SORCS1: variants seen among roughly 807,000 people sequenced by gnomAD.
The protein encoded by SORCS1 is VPS10 domain-containing receptor SorCS1.
A neutral mutation model predicts 146.1 loss-of-function variants in SORCS1; 60 were observed. That is an observed-to-expected ratio of 0.41 (90% CI 0.33 to 0.51). The LOEUF (loss-of-function observed/expected upper bound fraction) is 0.51, where lower values mean the gene tolerates loss of function less well. Ranked by LOEUF, SORCS1 falls within the 20% of genes least tolerant of loss-of-function variation. SORCS1 has a pLI of 0.21. For missense variants in SORCS1, 1,352 were observed against 1,487.6 expected (o/e 0.91, Z 1.50); for synonymous variants, 637 against 584.0 (o/e 1.09, Z -1.31).
chr10:106,820,282 G>C (rs1024579004), intron 3 of SORCS1, among the ~76,000 whole-genome samples: 1 of 152,154 alleles, frequency 6.6e-6, no homozygotes, highest in African/African-American at 2.4e-5. Context: ...CCATACAGCA[G>C]GCCTTTTCAC....
Position 106,607,243 on chromosome 10 carries a change from T to C in SORCS1, c.3088A>G (p.Thr1030Ala). ...GGTAGGACAAAGAGTTCAGCAGTGG[T>C]GGGTAAGCCAGGGAGCACCGCCACC... ...ILVAVLPGLP[T>A]TAELFVLPYQ... Residue 1030 changes from threonine (T) to alanine (A), a missense_variant, in exon 23 of 26, where the codon ACC (threonine) becomes GCC (alanine). Physicochemically the swap from Thr to Ala is moderately conservative, Grantham distance 58. Around this residue, in one of 3 missense-constraint regions of SORCS1, gnomAD observed 214 missense variants for 204.8 expected, o/e 1.05. Transcript: ENST00000263054. The C allele has an allele frequency of 6.2e-7, 1 of 1,614,090 alleles. No individual in the cohort carries two copies. Among genetic ancestry groups the C allele is most frequent in the South Asian group, 1.1e-5 (1 of 91,076 alleles).
intron 2 of SORCS1, among the ~76,000 whole-genome samples, chr10:106,944,669 A>G (rs1449857068): frequency 6.6e-6 from 1 of 152,086 alleles, no homozygotes; most frequent in African/African-American, 2.4e-5. Flanking sequence ...TAATTTGCCA[A>G]ATTTCACCTG....
At chr10:107,081,249 T>A (rs193294893) in intron 1 of SORCS1, among the ~76,000 whole-genome samples, 10 of 152,188 alleles carry the variant, frequency 6.6e-5, no homozygotes, top group African/African-American at 2.4e-4. Flanking sequence ...TCTGAAAATT[T>A]TTCCTGAAAT....
intron 4 of SORCS1, 139 bp from the exon 5 acceptor site, chr10:106,761,800 T>C (rs1395566799): frequency 4.3e-6 from 3 of 698,564 alleles, no homozygotes; most frequent in Non-Finnish European, 7.5e-6. Context: ...GAGTGCTCCA[T>C]GTGTACCATC....
chr10:106,632,750 CAGGGTGACATGA>C (rs1205083310), intron 18 of SORCS1, among the ~76,000 whole-genome samples: 2 of 152,200 alleles, frequency 1.3e-5, no homozygotes, highest in East Asian at 3.9e-4. Flanking sequence ...AAAATTATTG[CAGGGTGACATGA>C]AGGAAAGGTA....
At chr10:106,743,366 C>T (rs924460562) in intron 5 of SORCS1, among the ~76,000 whole-genome samples, 4 of 152,138 alleles carry the variant, frequency 2.6e-5, no homozygotes, top group Non-Finnish European at 5.9e-5. Context: ...ACCAGTCCCA[C>T]CACACCACCA....
intron 2 of SORCS1, among the ~76,000 whole-genome samples, chr10:106,841,207 C>T (rs571412640): frequency 6.6e-5 from 10 of 152,204 alleles, no homozygotes; most frequent in South Asian, 2.1e-4. Flanking sequence ...CAGTGGCTCA[C>T]GCCTGTAATG....
At chr10:106,890,455 T>C (rs1280309047) in intron 2 of SORCS1, among the ~76,000 whole-genome samples, 2 of 152,108 alleles carry the variant, frequency 1.3e-5, no homozygotes, top group Non-Finnish European at 2.9e-5. Flanking sequence ...TGGAGCCTTA[T>C]TAAAAAGGAG....
intron 1 of SORCS1, among the ~76,000 whole-genome samples, chr10:107,065,949 C>T (rs1008704953): frequency 7.2e-5 from 11 of 152,196 alleles, no homozygotes; most frequent in Non-Finnish European, 1.5e-4. Context: ...AGACAGGATT[C>T]AAACCCAGAC....
In SORCS1 at chr10:106,635,463, G is replaced by A. The variant is rs183928140; in HGVS notation, c.2476-6075C>T. On this transcript the variant is annotated intron_variant, in intron 18 of 25. Transcript: ENST00000263054. Reference sequence around the variant, plus strand: ...ACCATAAATCTGTATGTGTTTGTGCGAGTACAGAGAAAGGTGAAGCAAAAG... The same window carrying A: ...ACCATAAATCTGTATGTGTTTGTGCAAGTACAGAGAAAGGTGAAGCAAAAG... Among the ~76,000 whole-genome samples the A allele has an allele frequency of 4.6e-5, 7 of 152,246 alleles. No homozygotes were observed. The East Asian group carries it at 9.6e-4, about 21-fold the overall frequency.
rs191878777 is a variant in SORCS1 at position 106,792,382 on chromosome 10, C to A, written c.727-15690G>T. Among the ~76,000 whole-genome samples the A allele has an allele frequency of 2.8e-4, 42 of 152,328 alleles. No individual in the cohort carries two copies. The East Asian group carries it at 8.1e-3, about 29-fold the overall frequency. On this transcript the variant is annotated intron_variant, in intron 3 of 25. Transcript: ENST00000263054. Reference sequence around the variant, plus strand: ...AAAAAATAGCTCATTGCACAAAAAACTCAAATTTGTTAAACTGCTATTTCA... The same window carrying A: ...AAAAAATAGCTCATTGCACAAAAAAATCAAATTTGTTAAACTGCTATTTCA...
intron 21 of SORCS1, among the ~76,000 whole-genome samples, chr10:106,613,479 C>T (rs1299729573): frequency 6.6e-6 from 1 of 152,148 alleles, no homozygotes; most frequent in Non-Finnish European, 1.5e-5. Context: ...ATGGTTCAGC[C>T]TTAGTATCCC....
chr10:106,737,867 A>C (rs1461902977), intron 5 of SORCS1, among the ~76,000 whole-genome samples: 1 of 152,230 alleles, frequency 6.6e-6, no homozygotes, highest in African/African-American at 2.4e-5. Flanking sequence ...GTAAAGGAAA[A>C]GCTTAAAATA....
At chr10:106,987,201 G>T (rs539314727) in intron 1 of SORCS1, among the ~76,000 whole-genome samples, 18 of 152,224 alleles carry the variant, frequency 1.2e-4, no homozygotes, top group African/African-American at 4.3e-4. Context: ...TTTCACTTAG[G>T]CTTCTGGAAA....
At position 106,949,448 on chromosome 10, in the gene SORCS1, C is replaced by T. The variant is rs557889741; in HGVS notation, c.626+7065G>A. ...GGGCTAACAAACACACAGGTGAGTT[C>T]CCTCCAGCCTGAACCTAGGGAGTTC... On this transcript the variant is annotated intron_variant, in intron 2 of 25. Transcript: ENST00000263054. Among the ~76,000 whole-genome samples the T allele has an allele frequency of 4.5e-4, 68 of 152,226 alleles. No individual in the cohort carries two copies. In the South Asian group the frequency reaches 7.7e-3, roughly 17 times the overall value.
intron 1 of SORCS1, among the ~76,000 whole-genome samples, chr10:106,989,668 C>CTTTT (rs1564895028): frequency 7.9e-6 from 1 of 127,218 alleles, no homozygotes; most frequent in African/African-American, 3.5e-5. Context: ...CATATTTTTT[C>CTTTT]TGTTTTTTTT....
At chr10:106,942,902 T>A (rs970338796) in intron 2 of SORCS1, among the ~76,000 whole-genome samples, 3 of 152,212 alleles carry the variant, frequency 2.0e-5, no homozygotes, top group African/African-American at 7.2e-5. Context: ...AGGTTTGTTC[T>A]CACTTAAAGA....
intron 2 of SORCS1, among the ~76,000 whole-genome samples, chr10:106,894,960 T>C (rs1349581008): frequency 6.6e-6 from 1 of 152,218 alleles, no homozygotes; most frequent in Admixed American, 6.5e-5. Context: ...TATTTTTTTG[T>C]AAGTACCCCA....
chr10:106,944,711 C>T (rs187675717), intron 2 of SORCS1, among the ~76,000 whole-genome samples: 2 of 151,914 alleles, frequency 1.3e-5, no homozygotes, highest in South Asian at 4.2e-4. Context: ...TTCCTGGACA[C>T]AGAAAATAAG....
Sources: allele counts gnomAD v4.1 joint callset (sites outside exome capture counted in the v4.1 genomes callset), GRCh38; gene constraint gnomAD v4.1.1; regional missense constraint gnomAD v4.1.1; transcripts MANE v1.5; gene names NCBI Gene and HGNC (gene_info 2026-07-23, HGNC 2026-07-21).